Variants in LTBR observed in about 807,000 individuals in gnomAD.
The protein encoded by LTBR is lymphotoxin beta receptor.
In LTBR, 15 loss-of-function variants were observed where a neutral mutation model predicts 45.4. That is an observed-to-expected ratio of 0.33 (90% CI 0.22 to 0.51). The LOEUF is 0.51. Ranked by LOEUF, LTBR falls within the 20% of genes least tolerant of loss-of-function variation. The probability of loss-of-function intolerance (pLI) is 0.97; values close to 1 mark genes in which losing one functional copy is unlikely to be tolerated. For synonymous variants in LTBR, 228 were observed against 231.0 expected (o/e 0.99, Z 0.12); for missense variants, 450 against 565.5 (o/e 0.80, Z 2.07).
intron 6 of LTBR, chr12:6,387,160 T>G (rs556840695): frequency 5.3e-5 from 8 of 152,350 alleles, no homozygotes; most frequent in Admixed American, 4.6e-4. Context: ...TCATAATGCA[T>G]GCACTATAGA....
chr12:6,388,646 G>C lies in LTBR; in HGVS notation c.775+141G>C. On this transcript the variant is annotated intron_variant, in intron 7 of 9. Transcript: ENST00000228918. The surrounding 1 kb of genome is among the most constrained non-coding windows in gnomAD (Gnocchi z 4.3). ...TAGACATCCTTATCTTCATCCAGCT[G>C]CTTATTCTGAGGCTGGAGATGAGAG... 1 of 1,122,576 alleles carries C rather than the reference G, an allele frequency of 8.9e-7. No homozygotes were observed. The highest frequency in any genetic ancestry group is 2.4e-5 in the East Asian group (1 of 41,860). The allele number at this position is 1,122,576 out of a possible 1,614,324, so 69.5% of individuals were successfully genotyped here. A position where few individuals can be genotyped will look rare whatever the true frequency, so the allele number is the denominator to read the frequency against.
intron 1 of LTBR, among the ~76,000 whole-genome samples, chr12:6,376,496 G>A (rs1350918291): frequency 6.6e-6 from 1 of 152,232 alleles, no homozygotes; most frequent in African/African-American, 2.4e-5. Context: ...CACTGAAGGT[G>A]CAGGGAGGAT....
chr12:6,375,896 G>A (rs1948898596), intron 1 of LTBR: 1 of 1,238,130 alleles, frequency 8.1e-7, no homozygotes, highest in Non-Finnish European at 1.0e-6. Flanking sequence ...GAAAGAGGGA[G>A]ACAATAGAGA....
intron 4 of LTBR, 128 bp downstream of exon 4, chr12:6,385,507 A>T: frequency 8.8e-6 from 10 of 1,138,052 alleles, no homozygotes; most frequent in Non-Finnish European, 1.2e-5. Context: ...TCCTCTTCTC[A>T]TTCCATGCAG....
intron 1 of LTBR, chr12:6,376,208 G>C (rs946380933): frequency 1.0e-6 from 1 of 984,240 alleles, no homozygotes; most frequent in Admixed American, 6.1e-5. Context: ...GGTGGGATGC[G>C]TCTGCCTCCT....
upstream of LTBR, among the ~76,000 whole-genome samples, chr12:6,381,903 C>G (rs60681466): frequency 6.1e-3 from 922 of 152,260 alleles, 9 homozygotes; most frequent in African/African-American, 0.021. Context: ...ACCTGGGAGG[C>G]AGAGGTTGTA....
chr12:6,388,575 G>A lies in LTBR; in HGVS notation c.775+70G>A. 1 of 1,361,602 alleles carries A rather than the reference G, an allele frequency of 7.3e-7. No homozygotes were observed. The allele number at this position is 1,361,602 out of a possible 1,614,324, so 84.3% of individuals were successfully genotyped here. A position where few individuals can be genotyped will look rare whatever the true frequency, so the allele number is the denominator to read the frequency against. Reference sequence around the variant, plus strand: ...GAGGGAGGAATATTCAACTTCCCCGGTGCAACCCTCCACACCCTCAAGACT... The same window carrying A: ...GAGGGAGGAATATTCAACTTCCCCGATGCAACCCTCCACACCCTCAAGACT... On this transcript the variant is annotated intron_variant, in intron 7 of 9. Coordinates refer to ENST00000228918, the MANE Select transcript of LTBR (RefSeq NM_002342.3). This position sits in a 1 kb window ranked among gnomAD's most constrained non-coding sequence, Gnocchi z 4.3.
upstream of LTBR, chr12:6,383,970 CG>C: frequency 9.4e-7 from 1 of 1,069,114 alleles, no homozygotes; most frequent in Non-Finnish European, 1.1e-6. Flanking sequence ...GTCCGCAGTC[CG>C]CTCTCCCGAT....
upstream of LTBR, chr12:6,375,218 T>G (rs1248891331): frequency 3.5e-6 from 5 of 1,441,538 alleles, no homozygotes; most frequent in African/African-American, 1.4e-5. Flanking sequence ...CTATCTGCCT[T>G]CTGTTTCTCT....
chr12:6,383,728 G>A (rs908627790), upstream of LTBR, among the ~76,000 whole-genome samples: 10 of 152,188 alleles, frequency 6.6e-5, no homozygotes, highest in African/African-American at 2.4e-4. Context: ...GGACAACGGG[G>A]GAGGAACCCG....
rs1386017648 is a variant in LTBR, at chr12:6,391,105, G to A, written c.*168G>A. 8 of 649,752 alleles carry A rather than the reference G, an allele frequency of 1.2e-5. No homozygotes were observed. Among genetic ancestry groups the A allele is most frequent in the East Asian group, 6.5e-5 (2 of 30,728 alleles). 40.2% of individuals were successfully genotyped at this position (649,752 alleles called of 1,614,324 possible). A position where few individuals can be genotyped will look rare whatever the true frequency, so the allele number is the denominator to read the frequency against. ...GAGCAGGTGGGCACTGGCTGGGTACGGTGCCCTCCACAGGACTCTCCCTAC... is the reference window on the plus strand; with the variant it reads ...GAGCAGGTGGGCACTGGCTGGGTACAGTGCCCTCCACAGGACTCTCCCTAC... On this transcript the variant is annotated 3_prime_UTR_variant, in exon 10 of 10. Coordinates refer to ENST00000228918, the MANE Select transcript of LTBR (RefSeq NM_002342.3).
At chr12:6,384,894 C>A in intron 2 of LTBR, 128 bp from the exon 3 acceptor site, 2 of 1,292,284 alleles carry the variant, frequency 1.5e-6, no homozygotes, top group East Asian at 2.4e-5. Flanking sequence ...GAGAGGGAGC[C>A]GGAGGGCCAC....
In LTBR at chr12:6,384,210, G is replaced by A. The variant is rs888405136; in HGVS notation, c.-149G>A. ...ATGGGAGCCCTGGAGGCCCGGCCTG[G>A]CCGCTCCCGGCCCTGGGGTGCACAT... On this transcript the variant is annotated 5_prime_UTR_variant, in exon 1 of 10. Coordinates refer to ENST00000228918, the MANE Select transcript of LTBR (RefSeq NM_002342.3). 1.5e-6 allele frequency: 2 copies of A among 1,320,314 alleles called. No individual in the cohort carries two copies. Among genetic ancestry groups the A allele is most frequent in the Admixed American group, 7.8e-5 (2 of 25,760 alleles). The allele number at this position is 1,320,314 out of a possible 1,614,324, so 81.8% of individuals were successfully genotyped here.
chr12:6,389,184 T>A lies in LTBR; in HGVS notation c.801+359T>A, dbSNP rs1949082475. On this transcript the variant is annotated intron_variant, in intron 8 of 9. Transcript: ENST00000228918. ...GAAGGCCTCTCTGAGAACCTGATAT[T>A]TGAGCGGAGAGCTGAAGAAGCAAGG... The A allele has an allele frequency of 1.5e-5, 3 of 202,942 alleles. No individual in the cohort carries two copies. In the South Asian group the frequency reaches 2.5e-4, roughly 17 times the overall value. 12.6% of individuals were successfully genotyped at this position (202,942 alleles called of 1,614,324 possible).
chr12:6,378,202 T>C (rs1381242599), intron 1 of LTBR, among the ~76,000 whole-genome samples: 1 of 142,782 alleles, frequency 7.0e-6, no homozygotes, highest in Non-Finnish European at 1.5e-5. Flanking sequence ...AACTTACATG[T>C]ATTTTTAAAA....
chr12:6,384,498 G>A, intron 1 of LTBR, 44 bp downstream of exon 1: 1 of 1,590,796 alleles, frequency 6.3e-7, no homozygotes, highest in East Asian at 2.3e-5. Flanking sequence ...TGGGCAAGAG[G>A]GATCTGGGCA....
chr12:6,382,344 G>A (rs183316555), upstream of LTBR, among the ~76,000 whole-genome samples: 17 of 152,274 alleles, frequency 1.1e-4, 1 homozygote, highest in Admixed American at 8.5e-4. Context: ...AGTTGAAGCT[G>A]GGTAAGGAGT....
rs749203106 is a variant in LTBR at position 6,390,281 on chromosome 12, C to T, written c.971C>T (p.Pro324Leu). ...GCAGGGGTGCCGCAACAGCAGAGTC[C>T]TCTGGACCTGACCAGGGAGCCGCAG... The part of the protein sequence containing the change: ...LEAGVPQQQS[P>L]LDLTREPQLE... Residue 324 changes from proline (P) to leucine (L), a missense_variant, in exon 9 of 10, where the codon CCT becomes CTT. Transcript: ENST00000228918. 7.4e-6 allele frequency: 12 copies of T among 1,613,888 alleles called. No homozygotes were observed. The highest frequency in any genetic ancestry group is 4.5e-5 in the East Asian group (2 of 44,860).
At chr12:6,382,697 G>C (rs1053281554), upstream of LTBR, among the ~76,000 whole-genome samples, 2 of 152,180 alleles carry the variant, frequency 1.3e-5, no homozygotes, top group African/African-American at 4.8e-5. Flanking sequence ...TCCCCCTTTT[G>C]TGACCTCTCC....
Sources: gnomAD v4.1 joint callset for allele counts (sites outside exome capture counted in the v4.1 genomes callset) on GRCh38, gnomAD v4.1.1 for gene constraint, Gnocchi (gnomAD v3.1) non-coding constraint, MANE v1.5 for transcripts, NCBI Gene and HGNC (gene_info 2026-07-23, HGNC 2026-07-21) for gene names.